Variants in ROR1 observed in about 807,000 individuals in gnomAD.
The protein encoded by ROR1 is ROR family WNT receptor 1, also known as inactive tyrosine-protein kinase transmembrane receptor ROR1.
Under a neutral mutation model 78.8 loss-of-function variants are expected in ROR1, and 19 were observed. The ratio of observed to expected loss-of-function variants is 0.24; its 90% CI spans 0.17 to 0.35. The LOEUF is 0.35. ROR1 is among the 10% of genes least tolerant of loss of function. The pLI, the probability that ROR1 is intolerant of heterozygous loss-of-function variation, is 1.00. For synonymous variants in ROR1, 386 were observed against 433.6 expected (o/e 0.89, Z 1.36); for missense variants, 917 against 1,177.8 (o/e 0.78, Z 3.24).
intron 1 of ROR1, among the ~76,000 whole-genome samples, chr1:63,920,857 A>G (rs987471709): frequency 3.3e-5 from 5 of 152,206 alleles, no homozygotes; most frequent in Non-Finnish European, 7.3e-5. Flanking sequence ...TCTTACAGCC[A>G]AAGTGGTCAG....
chr1:64,064,151 A>G (rs1646938502), intron 4 of ROR1, among the ~76,000 whole-genome samples: 1 of 152,248 alleles, frequency 6.6e-6, no homozygotes, highest in South Asian at 2.1e-4. Flanking sequence ...CCAAAAAAGC[A>G]AACAAGAAAT....
intron 1 of ROR1, among the ~76,000 whole-genome samples, chr1:63,823,884 A>G (rs1044891595): frequency 1.3e-5 from 2 of 151,876 alleles, no homozygotes; most frequent in African/African-American, 2.4e-5. Context: ...AGTAGCTGAG[A>G]TTACAGGCAT....
intron 1 of ROR1, among the ~76,000 whole-genome samples, chr1:63,962,993 T>C (rs1350379094): frequency 6.6e-6 from 1 of 152,106 alleles, no homozygotes; most frequent in Non-Finnish European, 1.5e-5. Flanking sequence ...GGGACAGATA[T>C]GAGAAGTATT....
chr1:63,781,720 G>T (rs1188424778), intron 1 of ROR1, among the ~76,000 whole-genome samples: 1 of 152,210 alleles, frequency 6.6e-6, no homozygotes, highest in Non-Finnish European at 1.5e-5. Context: ...CATAGTGAGC[G>T]CTCAGTGAGT....
intron 1 of ROR1, among the ~76,000 whole-genome samples, chr1:63,987,887 T>A (rs770163630): frequency 2.0e-4 from 30 of 152,214 alleles, no homozygotes; most frequent in Non-Finnish European, 4.4e-4. Context: ...GAGTACAGAC[T>A]GTAGCCCTGC....
At position 64,134,748 on chromosome 1, in the gene ROR1, C is replaced by CTT. The variant is rs58315931; in HGVS notation, c.483-2604_483-2603dup. Among the ~76,000 whole-genome samples the CTT allele has an allele frequency of 1.2e-3, 161 of 131,572 alleles. 1 individual carries two copies. The highest frequency in any genetic ancestry group is 3.8e-3 in the African/African-American group (131 of 34,846). The allele number at this position is 131,572 out of a possible 152,430, so 86.3% of individuals were successfully genotyped here. ...AGCTTCTCAAGGAGATTCTTTCATT[C>CTT]TTTTTTTTTTTTTTTTTTGAGATGG... is the stretch of plus-strand genomic sequence containing the variant. On this transcript the variant is annotated intron_variant, in intron 4 of 8. Transcript: ENST00000371079.
chr1:64,096,820 A>C (rs1456284523), intron 4 of ROR1, among the ~76,000 whole-genome samples: 3 of 142,320 alleles, frequency 2.1e-5, no homozygotes, highest in East Asian at 3.9e-4. Context: ...GAATCACCAT[A>C]CTGTCTTCCA....
At chr1:63,824,509 T>TG (rs1473564468) in intron 1 of ROR1, among the ~76,000 whole-genome samples, 13 of 152,202 alleles carry the variant, frequency 8.5e-5, no homozygotes, top group African/African-American at 2.9e-4. Flanking sequence ...GGATTTGGCC[T>TG]GGGGTTTGCA....
intron 2 of ROR1, among the ~76,000 whole-genome samples, chr1:64,018,537 CTCT>C (rs1007606539): frequency 3.3e-5 from 5 of 152,218 alleles, no homozygotes; most frequent in African/African-American, 9.6e-5. Context: ...TATGTTCTTC[CTCT>C]TCTTCTCCCC....
At chr1:64,148,991 C>T (rs1330352805) in intron 7 of ROR1, among the ~76,000 whole-genome samples, 1 of 150,948 alleles carries the variant, frequency 6.6e-6, no homozygotes, top group African/African-American at 2.4e-5. Flanking sequence ...GTGTAGCCTA[C>T]AATCTAATGA....
At chr1:63,957,738 G>GTT (rs1379426574) in intron 1 of ROR1, among the ~76,000 whole-genome samples, 1 of 144,782 alleles carries the variant, frequency 6.9e-6, no homozygotes, top group Admixed American at 6.8e-5. Flanking sequence ...TTTTTTGTTT[G>GTT]TTTTTTGTTT....
intron 1 of ROR1, among the ~76,000 whole-genome samples, chr1:63,929,755 A>G (rs1394117069): frequency 6.6e-6 from 1 of 152,164 alleles, no homozygotes; most frequent in Admixed American, 6.6e-5. Flanking sequence ...TCTTTTGTTC[A>G]GTATGCTTTT....
At chr1:63,994,509 T>A (rs532834454) in intron 1 of ROR1, among the ~76,000 whole-genome samples, 1 of 152,124 alleles carries the variant, frequency 6.6e-6, no homozygotes, top group Non-Finnish European at 1.5e-5. Context: ...TTTGAAAAGG[T>A]CTTCACACTA....
At chr1:64,090,515 C>T (rs575984929) in intron 4 of ROR1, among the ~76,000 whole-genome samples, 2 of 152,270 alleles carry the variant, frequency 1.3e-5, no homozygotes, top group Non-Finnish European at 1.5e-5. Flanking sequence ...TAAAGATAAA[C>T]AAATAAACAT....
At chr1:63,904,541 T>A (rs1176098392) in intron 1 of ROR1, among the ~76,000 whole-genome samples, 1 of 152,186 alleles carries the variant, frequency 6.6e-6, no homozygotes, top group Non-Finnish European at 1.5e-5. Flanking sequence ...TAAACCAGCC[T>A]GTTATGAATT....
intron 1 of ROR1, among the ~76,000 whole-genome samples, chr1:63,966,801 G>A (rs1198503891): frequency 6.6e-6 from 1 of 152,154 alleles, no homozygotes; most frequent in Non-Finnish European, 1.5e-5. Context: ...ATATGGTGAG[G>A]CTCATCTTCT....
chr1:63,789,710 C>G (rs1353207933), intron 1 of ROR1, among the ~76,000 whole-genome samples: 1 of 135,408 alleles, frequency 7.4e-6, no homozygotes, highest in Non-Finnish European at 1.6e-5. Flanking sequence ...TTTAAACAGG[C>G]ACTGTCACTC....
At chr1:63,786,719 CATCCCAGGATGTGGGTGAAA>C (rs1294151537) in intron 1 of ROR1, among the ~76,000 whole-genome samples, 1 of 151,990 alleles carries the variant, frequency 6.6e-6, no homozygotes, top group Non-Finnish European at 1.5e-5. Flanking sequence ...GTTTCTTAGC[CATCCCAGGATGTGGGTGAAA>C]GTGGCTTCCC....
At chr1:63,885,699 A>AT (rs1408745012) in intron 1 of ROR1, among the ~76,000 whole-genome samples, 1 of 152,096 alleles carries the variant, frequency 6.6e-6, no homozygotes, top group Non-Finnish European at 1.5e-5. Context: ...TCCTGAAAGC[A>AT]TTTTTCTCCC....
Sources: allele counts gnomAD v4.1 joint callset (sites outside exome capture counted in the v4.1 genomes callset), GRCh38; gene constraint gnomAD v4.1.1; transcripts MANE v1.5; gene names NCBI Gene and HGNC (gene_info 2026-07-23, HGNC 2026-07-21).